Variants in FAM107B observed in about 807,000 individuals in gnomAD.
The protein encoded by FAM107B is protein FAM107B.
FAM107B carries 21 observed loss-of-function variants against 31.5 expected under a neutral mutation model. The ratio of observed to expected loss-of-function variants is 0.67; its 90% CI spans 0.47 to 0.96. FAM107B has a LOEUF of 0.96. Ranked by LOEUF, FAM107B falls within the 40% of genes least tolerant of loss-of-function variation. The pLI is 0.00. For synonymous variants in FAM107B, 157 were observed against 141.5 expected, an observed-to-expected ratio of 1.11 and a Z score of -0.78; for missense variants, 452 against 377.1, an observed-to-expected ratio of 1.20 and a Z score of -1.64.
intron 1 of FAM107B, among the ~76,000 whole-genome samples, chr10:14,744,342 T>A (rs926256256): frequency 5.3e-5 from 8 of 152,156 alleles, no homozygotes; most frequent in African/African-American, 1.9e-4. Flanking sequence ...CCTTTATTTC[T>A]TTCTCTTGCC....
chr10:14,573,969 A>C (rs1046011037), intron 2 of FAM107B, among the ~76,000 whole-genome samples: 3 of 96,404 alleles, frequency 3.1e-5, no homozygotes, highest in African/African-American at 7.2e-5. Flanking sequence ...TTTCTCTCAT[A>C]ATCTACCCTT....
At chr10:14,528,667 G>GTGTAGTACTTTAGGGAGACA (rs1341606593) in intron 3 of FAM107B, among the ~76,000 whole-genome samples, 2 of 152,046 alleles carry the variant, frequency 1.3e-5, no homozygotes, top group Non-Finnish European at 2.9e-5. Flanking sequence ...GTACTTTAGG[G>GTGTAGTACTTTAGGGAGACA]AAACCCAGCA....
intron 1 of FAM107B, among the ~76,000 whole-genome samples, chr10:14,691,683 C>A (rs1012851253): frequency 2.0e-5 from 3 of 151,988 alleles, no homozygotes; most frequent in Admixed American, 1.3e-4. Context: ...CACTTGAGGT[C>A]AGAAGTTTGA....
intron 1 of FAM107B, among the ~76,000 whole-genome samples, chr10:14,770,025 T>C (rs1315931645): frequency 6.6e-6 from 1 of 152,144 alleles, no homozygotes; most frequent in Non-Finnish European, 1.5e-5. Flanking sequence ...TTCCCAAGGC[T>C]GAACATGGAG....
chr10:14,612,922 C>T (rs1421461392), intron 2 of FAM107B, among the ~76,000 whole-genome samples: 1 of 152,104 alleles, frequency 6.6e-6, no homozygotes, highest in Non-Finnish European at 1.5e-5. Context: ...TAGAAAAATA[C>T]AAGTCGCTAC....
chr10:14,699,054 GT>G (rs1564629731), intron 1 of FAM107B, among the ~76,000 whole-genome samples: 1 of 126,568 alleles, frequency 7.9e-6, no homozygotes. Flanking sequence ...GCAGGCAGAG[GT>G]GGGGGGCAGG....
At chr10:14,555,043 G>C (rs1321914701) in intron 2 of FAM107B, among the ~76,000 whole-genome samples, 1 of 152,174 alleles carries the variant, frequency 6.6e-6, no homozygotes, top group Non-Finnish European at 1.5e-5. Flanking sequence ...ACACAACACT[G>C]CCTGCTCAGA....
chr10:14,531,112 T>G (rs768532314), intron 2 of FAM107B, among the ~76,000 whole-genome samples: 8 of 152,180 alleles, frequency 5.3e-5, no homozygotes, highest in Non-Finnish European at 1.2e-4. Flanking sequence ...CAGCTGCATA[T>G]TTACCTTATT....
chr10:14,651,054 G>A lies in FAM107B; in HGVS notation c.469+16580C>T, dbSNP rs549417659. ...TTATTGGCCTCTTTCTACTACTGAC[G>A]CTTCCTGAGACAACCTCCAAATTAA... On this transcript the variant is annotated intron_variant, in intron 2 of 4. Transcript: ENST00000181796. Among the ~76,000 whole-genome samples the A allele has an allele frequency of 2.8e-4, 43 of 152,184 alleles. 1 individual carries two copies. Among genetic ancestry groups the A allele is most frequent in the Admixed American group, 1.2e-3 (18 of 15,296 alleles).
intron 2 of FAM107B, among the ~76,000 whole-genome samples, chr10:14,599,628 C>G (rs1428882056): frequency 1.3e-5 from 2 of 152,106 alleles, no homozygotes; most frequent in African/African-American, 4.8e-5. Flanking sequence ...CATAGTGAGA[C>G]CCCATCTCTA....
chr10:14,762,788 ACACACAC>A (rs1320154760), intron 1 of FAM107B, among the ~76,000 whole-genome samples: 2 of 150,462 alleles, frequency 1.3e-5, no homozygotes, highest in African/African-American at 5.0e-5. Flanking sequence ...ACACACACAC[ACACACAC>A]ACACACAAAA....
chr10:14,633,878 G>A (rs1254074410), intron 2 of FAM107B, among the ~76,000 whole-genome samples: 1 of 151,982 alleles, frequency 6.6e-6, no homozygotes, highest in African/African-American at 2.4e-5. Context: ...TTCTTTTTCT[G>A]GTCAATCATT....
At position 14,520,912 on chromosome 10, in the gene FAM107B, T is replaced by C. The variant is rs1845565749; in HGVS notation, c.*278A>G. 3.0e-6 allele frequency: 1 copy of C among 337,666 alleles called. No individual in the cohort carries two copies. The highest frequency in any genetic ancestry group is 5.3e-6 in the Non-Finnish European group (1 of 188,626). The allele number at this position is 337,666 out of a possible 1,614,324, so 20.9% of individuals were successfully genotyped here. ...TCCAGTGTCCTCTTCCTTTTTCCTG[T>C]TCTCACTTGTTTTGCTTGTTGGTTC... On this transcript the variant is annotated 3_prime_UTR_variant, in exon 5 of 5. Coordinates refer to ENST00000181796, the MANE Select transcript of FAM107B (RefSeq NM_031453.4).
chr10:14,774,537 A>C lies in FAM107B; in HGVS notation c.127T>G (p.Ser43Ala). 2 of 1,614,168 alleles carry C rather than the reference A, an allele frequency of 1.2e-6. No homozygotes were observed. Among genetic ancestry groups the C allele is most frequent in the South Asian group, 2.2e-5 (2 of 91,086 alleles). ...GTGGAATGAGTATCAGCCACGCCGG[A>C]CTGATTGAAGGAAGCACTCTCCCTC... Reference protein sequence around the residue: ...NTRESASFNQSGVADTHSTVR... With the variant: ...NTRESASFNQAGVADTHSTVR... The change falls in exon 1 of 5, where the codon TCC becomes GCC. Residue 43 changes from serine to alanine, a missense_variant. Transcript: ENST00000181796.
intron 2 of FAM107B, among the ~76,000 whole-genome samples, chr10:14,651,028 T>C (rs1037912023): frequency 1.3e-5 from 2 of 152,142 alleles, no homozygotes; most frequent in Admixed American, 6.5e-5. Context: ...TAAGCAATGC[T>C]TTATTGGCCT....
intron 2 of FAM107B, among the ~76,000 whole-genome samples, chr10:14,572,736 A>ATTTTTTATATATATAT (rs1455058375): frequency 1.2e-5 from 1 of 86,490 alleles, no homozygotes; most frequent in African/African-American, 4.0e-5. Context: ...AAAAAAAAAA[A>ATTTTTTATATATATAT]ATTTATATAT....
chr10:14,567,507 G>A (rs1850777305), intron 2 of FAM107B, among the ~76,000 whole-genome samples: 1 of 152,132 alleles, frequency 6.6e-6, no homozygotes, highest in Non-Finnish European at 1.5e-5. Context: ...AGGCAGTGTT[G>A]AGGCCCTGGT....
At chr10:14,759,705 G>A (rs1355924884) in intron 1 of FAM107B, among the ~76,000 whole-genome samples, 2 of 151,996 alleles carry the variant, frequency 1.3e-5, no homozygotes, top group African/African-American at 4.8e-5. Flanking sequence ...ATGGTATAGA[G>A]CCTTCTTTTT....
intron 1 of FAM107B, chr10:14,724,181 C>T (rs142729532): frequency 5.7e-4 from 246 of 432,940 alleles, no homozygotes; most frequent in African/African-American, 4.5e-3. Flanking sequence ...TTATATTTAG[C>T]TCTAATATTT....
Sources: gnomAD v4.1 joint callset for allele counts (sites outside exome capture counted in the v4.1 genomes callset) on GRCh38, gnomAD v4.1.1 for gene constraint, MANE v1.5 for transcripts, NCBI Gene and HGNC (gene_info 2026-07-23, HGNC 2026-07-21) for gene names.